The following TUSC2 variants were observed in gnomAD, a reference collection of about 807,000 sequenced individuals.
The protein encoded by TUSC2 is tumor suppressor candidate 2.
Under a neutral mutation model 11.5 loss-of-function variants are expected in TUSC2, and 7 were observed. The observed-to-expected ratio is 0.61, with a 90% CI of 0.35 to 1.14. The LOEUF is 1.14. Ranked by LOEUF, TUSC2 falls within the 50% of genes most tolerant of loss-of-function variation. The pLI, the probability that TUSC2 is intolerant of heterozygous loss-of-function variation, is 0.03. For missense variants in TUSC2, 132 were observed against 155.0 expected, an observed-to-expected ratio of 0.85 and a Z score of 0.79; for synonymous variants, 61 against 64.1, an observed-to-expected ratio of 0.95 and a Z score of 0.23.
chr3:50,327,314 G>A, intron 1 of TUSC2: 1 of 450,946 alleles, frequency 2.2e-6, no homozygotes, highest in Non-Finnish European at 4.5e-6. Flanking sequence ...GGTCTTCCTG[G>A]TGTCTACAGC....
Position 50,325,103 on chromosome 3 carries a change from CATT to C in TUSC2, c.*1015_*1017del, listed in dbSNP as rs1702768977. 6.6e-6 allele frequency: 1 copy of C among 152,566 alleles called. No homozygotes were observed. Among genetic ancestry groups the C allele is most frequent in the African/African-American group, 2.4e-5 (1 of 41,418 alleles). The allele number at this position is 152,566 out of a possible 1,614,324, so 9.5% of individuals were successfully genotyped here. ...ATCATGGACTATTTACAAACCTTCA[CATT>C]ATAAGTATTCCTTTTATGGTTTTTC... On this transcript the variant is annotated 3_prime_UTR_variant, in exon 3 of 3. Transcript: ENST00000232496. This position sits in a 1 kb window ranked among gnomAD's most constrained non-coding sequence, Gnocchi z 5.1.
At position 50,325,797 on chromosome 3, in the gene TUSC2, A is replaced by C; in HGVS notation, c.*324T>G. 1 of 398,026 alleles carries C rather than the reference A, an allele frequency of 2.5e-6. No individual in the cohort carries two copies. Among genetic ancestry groups the C allele is most frequent in the South Asian group, 3.4e-5 (1 of 29,622 alleles). 24.7% of individuals were successfully genotyped at this position (398,026 alleles called of 1,614,324 possible). ...GCTAGGCCCCAGGCAAACTTGGAAG[A>C]AAGCAGACCAGGCAAGGAACCAGGT... On this transcript the variant is annotated 3_prime_UTR_variant, in exon 3 of 3. Transcript: ENST00000232496. The surrounding 1 kb of genome is among the most constrained non-coding windows in gnomAD (Gnocchi z 5.1).
At position 50,327,973 on chromosome 3, in the gene TUSC2, A is replaced by G; in HGVS notation, c.127T>C (p.Phe43Leu). The change falls in exon 1 of 3, where the codon TTC (phenylalanine) becomes CTC (leucine). Residue 43 changes from phenylalanine to leucine, a missense_variant. Coordinates refer to ENST00000232496, the MANE Select transcript of TUSC2 (RefSeq NM_007275.3). Reference protein sequence around the residue: ...VRPRGRAVPPFVFTRRGSMFY... With the variant: ...VRPRGRAVPPLVFTRRGSMFY... The stretch of plus-strand genomic sequence containing the variant: ...CCTTACCCGCGGCGCGTGAATACGA[A>G]GGGGGGCACAGCTCGGCCCCGAGGC... The G allele has an allele frequency of 6.5e-7, 1 of 1,540,408 alleles. No individual in the cohort carries two copies.
In TUSC2 at chr3:50,327,922, T is replaced by C. The variant is rs782092167; in HGVS notation, c.146+32A>G. ...GCGGGACGCCTGGCCGCCCGCCTGT[T>C]CCCCCCGCCAGGGTGGAACCCATGC... On this transcript the variant is annotated intron_variant, in intron 1 of 2. Coordinates refer to ENST00000232496, the MANE Select transcript of TUSC2 (RefSeq NM_007275.3). The C allele has an allele frequency of 2.2e-5, 31 of 1,414,708 alleles. No individual in the cohort carries two copies. The South Asian group carries it at 4.4e-4, about 20-fold the overall frequency. 87.6% of individuals were successfully genotyped at this position (1,414,708 alleles called of 1,614,324 possible).
intron 1 of TUSC2, chr3:50,327,296 C>T: frequency 2.2e-6 from 1 of 454,718 alleles, no homozygotes; most frequent in South Asian, 1.6e-5. Flanking sequence ...GGTGAATTGC[C>T]ACTGTTGGGT....
At chr3:50,327,312 T>C (rs1223894301) in intron 1 of TUSC2, 1 of 451,326 alleles carries the variant, frequency 2.2e-6, no homozygotes, top group African/African-American at 2.0e-5. Context: ...TGGGTCTTCC[T>C]GGTGTCTACA....
chr3:50,326,397 C>G lies in TUSC2; in HGVS notation c.227G>C (p.Arg76Pro). The G allele has an allele frequency of 6.2e-7, 1 of 1,613,950 alleles. No homozygotes were observed. Among genetic ancestry groups the G allele is most frequent in the Non-Finnish European group, 8.5e-7 (1 of 1,180,006 alleles). The change falls in exon 2 of 3, where the codon CGG (arginine) becomes CCG (proline). Residue 76 changes from arginine (R) to proline (P), a missense_variant. Arg to Pro is a moderately radical substitution (Grantham distance 103). Transcript: ENST00000232496. ...CTTATGCACTCGCCTCAGCTTGGCCCGCTTCTGCCCGTTCTTGGTGACGAT... is the reference window on the plus strand; with the variant it reads ...CTTATGCACTCGCCTCAGCTTGGCCGGCTTCTGCCCGTTCTTGGTGACGAT... ...ETIVTKNGQK[R>P]AKLRRVHKNL...
At chr3:50,327,846 T>G in intron 1 of TUSC2, 108 bp downstream of exon 1, 1 of 1,318,142 alleles carries the variant, frequency 7.6e-7, no homozygotes, top group Non-Finnish European at 9.7e-7. Context: ...AATATGGGGG[T>G]CGTCCTGGCT....
chr3:50,327,295 C>T, intron 1 of TUSC2: 1 of 454,590 alleles, frequency 2.2e-6, no homozygotes, highest in Non-Finnish European at 4.4e-6. Flanking sequence ...TGGTGAATTG[C>T]CACTGTTGGG....
In TUSC2 at chr3:50,328,218, T is replaced by G; in HGVS notation, c.-119A>C. On this transcript the variant is annotated 5_prime_UTR_variant, in exon 1 of 3. Coordinates refer to ENST00000232496, the MANE Select transcript of TUSC2 (RefSeq NM_007275.3). ...GCCGCCGCCGCCGCCTTCCGCAGGC[T>G]CGGCTGTCTCCACGGAAACCTCACT... is the stretch of plus-strand genomic sequence containing the variant. 8.3e-7 allele frequency: 1 copy of G among 1,198,880 alleles called. No homozygotes were observed. The highest frequency in any genetic ancestry group is 3.2e-5 in the East Asian group (1 of 31,332). 74.3% of individuals were successfully genotyped at this position (1,198,880 alleles called of 1,614,324 possible). A position where few individuals can be genotyped will look rare whatever the true frequency, so the allele number is the denominator to read the frequency against.
rs782304782 is a variant in TUSC2, at chr3:50,327,978, G to A, written c.122C>T (p.Pro41Leu). ...ALVRPRGRAV[P>L]PFVFTRRGSM... ...CCCGCGGCGCGTGAATACGAAGGGG[G>A]GCACAGCTCGGCCCCGAGGCCGCAC... The change falls in exon 1 of 3, where the codon CCC (proline) becomes CTC (leucine). Residue 41 changes from proline to leucine, a missense_variant. Around this residue, in one of 3 missense-constraint regions of TUSC2, gnomAD observed 50 missense variants for 27.9 expected, o/e 1.79. Transcript: ENST00000232496. 14 of 1,542,170 alleles carry A rather than the reference G, an allele frequency of 9.1e-6. No individual in the cohort carries two copies. The highest frequency in any genetic ancestry group is 2.6e-6 in the Non-Finnish European group (3 of 1,147,550).
rs782557947 is a variant in TUSC2, at chr3:50,326,072, G to A, written c.*49C>T. On this transcript the variant is annotated 3_prime_UTR_variant, in exon 3 of 3. Transcript: ENST00000232496. ...GGAAGCCACACCTTGATTGAGCCTG[G>A]GAGTTTCTTGCCGGGGCAGGGGGTG... 1.9e-6 allele frequency: 3 copies of A among 1,552,562 alleles called. No homozygotes were observed. Among genetic ancestry groups the A allele is most frequent in the Non-Finnish European group, 2.6e-6 (3 of 1,146,886 alleles).
rs1467543688 is a variant in TUSC2 at position 50,326,344 on chromosome 3, C to A, written c.267+13G>T. Reference sequence around the variant, plus strand: ...CTTAGTGTAGGCTCTGTGACCGCTGCCCAGCCCCTCACCTGAGGAATCAGA... The same window carrying A: ...CTTAGTGTAGGCTCTGTGACCGCTGACCAGCCCCTCACCTGAGGAATCAGA... On this transcript the variant is annotated intron_variant, in intron 2 of 2. Coordinates refer to ENST00000232496, the MANE Select transcript of TUSC2 (RefSeq NM_007275.3). 1 of 1,613,782 alleles carries A rather than the reference C, an allele frequency of 6.2e-7. No individual in the cohort carries two copies. Among genetic ancestry groups the A allele is most frequent in the African/African-American group, 1.3e-5 (1 of 74,850 alleles).
At chr3:50,327,629 C>G (rs991858484) in intron 1 of TUSC2, among the ~76,000 whole-genome samples, 1 of 152,148 alleles carries the variant, frequency 6.6e-6, no homozygotes, top group Non-Finnish European at 1.5e-5. Flanking sequence ...AGGCTAGGAC[C>G]CTTCAGTATG....
At position 50,328,022 on chromosome 3, in the gene TUSC2, T is replaced by C. The variant is rs1553717635; in HGVS notation, c.78A>G (p.Ala26=). The C allele has an allele frequency of 6.6e-7, 1 of 1,519,046 alleles. No homozygotes were observed. 94.1% of individuals were successfully genotyped at this position (1,519,046 alleles called of 1,614,324 possible). ...SAAGGGGSEA[A]GAEQALVRPR... is the part of the protein sequence containing the mutation. Reference sequence around the variant, plus strand: ...GCCGCACCAAAGCTTGCTCAGCTCCTGCTGCCTCTGAGCCGCCGCCTCCGG... The same window carrying C: ...GCCGCACCAAAGCTTGCTCAGCTCCCGCTGCCTCTGAGCCGCCGCCTCCGG... Residue 26 remains alanine (A), a synonymous_variant, in exon 1 of 3, where the codon GCA becomes GCG. Coordinates refer to ENST00000232496, the MANE Select transcript of TUSC2 (RefSeq NM_007275.3).
chr3:50,326,207 A>G, intron 2 of TUSC2, 21 bp from the exon 3 acceptor site: 2 of 1,605,170 alleles, frequency 1.2e-6, no homozygotes, highest in South Asian at 1.1e-5. Context: ...AACAGAGGCT[A>G]GTAAGGGTCA....
At position 50,327,909 on chromosome 3, in the gene TUSC2, G is replaced by A. The variant is rs111562692; in HGVS notation, c.146+45C>T. On this transcript the variant is annotated intron_variant, in intron 1 of 2. Coordinates refer to ENST00000232496, the MANE Select transcript of TUSC2 (RefSeq NM_007275.3). ...GTTCCCCCGTGGCGCGGGACGCCTG[G>A]CCGCCCGCCTGTTCCCCCCGCCAGG... The A allele has an allele frequency of 2.0e-3, 2,739 of 1,385,538 alleles. 46 individuals are homozygous for A. The African/African-American group carries it at 0.036, about 18-fold the overall frequency. The allele number at this position is 1,385,538 out of a possible 1,614,324, so 85.8% of individuals were successfully genotyped here.
In TUSC2 at chr3:50,326,199, C is replaced by A. The variant is rs1553717375; in HGVS notation, c.268-13G>T. 6.2e-7 allele frequency: 1 copy of A among 1,604,604 alleles called. No individual in the cohort carries two copies. The highest frequency in any genetic ancestry group is 1.7e-5 in the Admixed American group (1 of 58,150). ...GCTTCACGATGCCCTGCCATGGAAA[C>A]AGAGGCTAGTAAGGGTCAGCTCAGG... On this transcript the variant is annotated splice_polypyrimidine_tract_variant and intron_variant, in intron 2 of 2. Coordinates refer to ENST00000232496, the MANE Select transcript of TUSC2 (RefSeq NM_007275.3).
chr3:50,328,191 G>C lies in TUSC2; in HGVS notation c.-92C>G. On this transcript the variant is annotated 5_prime_UTR_variant, in exon 1 of 3. Coordinates refer to ENST00000232496, the MANE Select transcript of TUSC2 (RefSeq NM_007275.3). ...AACCTGCCCCAGCCGCTGATCGCAG[G>C]TGCCGCCGCCGCCGCCTTCCGCAGG... The C allele has an allele frequency of 7.8e-7, 1 of 1,282,952 alleles. No individual in the cohort carries two copies. The highest frequency in any genetic ancestry group is 4.1e-5 in the Admixed American group (1 of 24,222). The allele number at this position is 1,282,952 out of a possible 1,614,324, so 79.5% of individuals were successfully genotyped here.
Sources: gnomAD v4.1 joint callset for allele counts (sites outside exome capture counted in the v4.1 genomes callset) on GRCh38, gnomAD v4.1.1 for gene constraint, gnomAD v4.1.1 regional missense constraint, Gnocchi (gnomAD v3.1) non-coding constraint, MANE v1.5 for transcripts, NCBI Gene and HGNC (gene_info 2026-07-23, HGNC 2026-07-21) for gene names.